The following ASH2L variants were observed in gnomAD, a reference collection of about 807,000 sequenced individuals.
ASH2L encodes ASH2 like, histone lysine methyltransferase complex subunit.
ASH2L carries 30 observed loss-of-function variants against 81.1 expected under a neutral mutation model. The observed-to-expected ratio is 0.37, with a 90% CI of 0.28 to 0.50. The LOEUF (loss-of-function observed/expected upper bound fraction) is 0.50, where lower values mean the gene tolerates loss of function less well. Ranked by LOEUF, ASH2L falls within the 20% of genes least tolerant of loss-of-function variation. The pLI is 0.95. For synonymous variants in ASH2L, 273 were observed against 279.9 expected (o/e 0.98, Z 0.24); for missense variants, 559 against 792.1 (o/e 0.71, Z 3.53).
At chr8:38,127,662 G>T (rs961963869) in intron 10 of ASH2L, among the ~76,000 whole-genome samples, 1 of 149,564 alleles carries the variant, frequency 6.7e-6, no homozygotes, top group African/African-American at 2.5e-5. Flanking sequence ...AGGATTGCTT[G>T]AACTTGGGAG....
chr8:38,105,770 G>A, intron 1 of ASH2L, 32 bp downstream of exon 1: 1 of 1,501,054 alleles, frequency 6.7e-7, no homozygotes. Context: ...GGAAGACGCG[G>A]GAGGGAGGCC....
chr8:38,138,668 T>C, intron 14 of ASH2L, 148 bp from the exon 15 acceptor site: 1 of 619,238 alleles, frequency 1.6e-6, no homozygotes. Flanking sequence ...TGACCACTTT[T>C]AGTAATATTT....
At chr8:38,105,962 C>T (rs1810408099) in intron 1 of ASH2L, 11 of 1,523,488 alleles carry the variant, frequency 7.2e-6, no homozygotes, top group South Asian at 2.5e-5. Context: ...CTGTCGTTAT[C>T]TCTGATCCTT....
At chr8:38,133,603 T>TATAAAAGTGAGG in intron 13 of ASH2L, 57 bp downstream of exon 13, 1 of 1,329,512 alleles carries the variant, frequency 7.5e-7, no homozygotes, top group South Asian at 1.3e-5. Context: ...TAGGACCCAT[T>TATAAAAGTGAGG]CCTTCATTAT....
chr8:38,120,284 A>G (rs921700512), intron 9 of ASH2L, among the ~76,000 whole-genome samples: 5 of 152,150 alleles, frequency 3.3e-5, no homozygotes, highest in Admixed American at 6.5e-5. Flanking sequence ...TTGAGAAAGG[A>G]TAGGTGGGGA....
intron 10 of ASH2L, 65 bp downstream of exon 10, chr8:38,121,214 C>T: frequency 6.2e-6 from 9 of 1,448,358 alleles, no homozygotes; most frequent in Non-Finnish European, 8.7e-6. Context: ...TTAGCCTTGT[C>T]AGTCTAGAAT....
rs2073351 is a variant in ASH2L, at chr8:38,105,721, C to T, written c.171C>T (p.Ser57=). The part of the protein sequence containing the change: ...ISAAPTVEPS[S]GEAEGGEANL... ...CTGCTCCGACAGTTGAGCCCAGTTC[C>T]GGGGAGGCTGAAGGCGGGTAAGAGG... The change falls in exon 1 of 16, where the codon TCC becomes TCT. Residue 57 remains serine (S), a synonymous_variant. Coordinates refer to ENST00000343823, the MANE Select transcript of ASH2L (RefSeq NM_004674.5). 0.031 allele frequency: 47,119 copies of T among 1,532,224 alleles called. 2,716 individuals are homozygous for T. Among genetic ancestry groups the T allele is most frequent in the East Asian group, 0.26 (11,139 of 42,534 alleles). 94.9% of individuals were successfully genotyped at this position (1,532,224 alleles called of 1,614,324 possible).
intron 5 of ASH2L, among the ~76,000 whole-genome samples, chr8:38,111,723 A>G (rs565184959): frequency 1.3e-5 from 2 of 152,238 alleles, no homozygotes; most frequent in African/African-American, 4.8e-5. Flanking sequence ...ATTTTGCTAC[A>G]TTTGTTTTAT....
At chr8:38,110,672 G>T (rs1012250550) in intron 4 of ASH2L, 67 bp from the exon 5 acceptor site, 1 of 1,351,504 alleles carries the variant, frequency 7.4e-7, no homozygotes, top group East Asian at 2.3e-5. Flanking sequence ...ACCACTTATC[G>T]AGTATTCCCT....
intron 2 of ASH2L, 85 bp from the exon 3 acceptor site, chr8:38,106,936 G>A: frequency 6.6e-7 from 1 of 1,521,834 alleles, no homozygotes; most frequent in Non-Finnish European, 8.9e-7. Flanking sequence ...GGGCAACATA[G>A]GGAGACCCCC....
At chr8:38,123,304 T>G (rs2130532709) in intron 10 of ASH2L, 1 of 152,132 alleles carries the variant, frequency 6.6e-6, no homozygotes, top group Middle Eastern at 3.4e-3. Flanking sequence ...CAGGCTGGTC[T>G]TGAACTCTGG....
At chr8:38,114,405 TTGAG>T (rs1810810700) in intron 6 of ASH2L, 118 bp downstream of exon 6, 1 of 689,080 alleles carries the variant, frequency 1.5e-6, no homozygotes, top group East Asian at 2.9e-5. Context: ...TGTTAAATCT[TTGAG>T]TGTGAGATAC....
In ASH2L at chr8:38,107,026, T is replaced by C. The variant is rs529037543; in HGVS notation, c.261T>C (p.Gly87=). The C allele has an allele frequency of 6.2e-7, 1 of 1,613,928 alleles. No homozygotes were observed. The highest frequency in any genetic ancestry group is 1.1e-5 in the South Asian group (1 of 91,070). The part of the protein sequence containing the change: ...ESSNGKDTLE[G]AGDTSEVMDT... ...CTCGAACTGCTCTGACACAGGAAGG[T>C]GCTGGGGATACATCAGAGGTGATGG... Residue 87 remains glycine, a synonymous_variant, in exon 3 of 16, where the codon GGT becomes GGC. Coordinates refer to ENST00000343823, the MANE Select transcript of ASH2L (RefSeq NM_004674.5).
chr8:38,126,397 A>C (rs1000154867), intron 10 of ASH2L, among the ~76,000 whole-genome samples: 1 of 152,096 alleles, frequency 6.6e-6, no homozygotes, highest in Admixed American at 6.6e-5. Context: ...AGAGAAGGGG[A>C]TATTACTTGG....
At chr8:38,132,127 G>T (rs1001749158) in intron 12 of ASH2L, among the ~76,000 whole-genome samples, 1 of 152,080 alleles carries the variant, frequency 6.6e-6, no homozygotes, top group Non-Finnish European at 1.5e-5. Flanking sequence ...GATTACAAGC[G>T]TGAGCCACTG....
chr8:38,132,083 G>A (rs565891934), intron 12 of ASH2L, among the ~76,000 whole-genome samples: 17 of 151,990 alleles, frequency 1.1e-4, no homozygotes, highest in Admixed American at 2.6e-4. Flanking sequence ...TCCTGGCCTC[G>A]TGATCTGCCT....
chr8:38,118,619 C>T (rs1047743530), intron 8 of ASH2L, among the ~76,000 whole-genome samples: 1 of 152,184 alleles, frequency 6.6e-6, no homozygotes, highest in African/African-American at 2.4e-5. Flanking sequence ...TAAAAATTGC[C>T]TAGCAAATCG....
At position 38,116,704 on chromosome 8, in the gene ASH2L, T is replaced by A; in HGVS notation, c.832T>A (p.Ser278Thr). ...CAACCAAAAACAGAGCAGTGCTGTG[T>A]CTACTAGTGGGAATTTAAATGGTAA... is the stretch of plus-strand genomic sequence containing the variant. ...YDNQKQSSAVSTSGNLNGGIA... is the reference protein window; with the variant it reads ...YDNQKQSSAVTTSGNLNGGIA... The change falls in exon 8 of 16, where the codon TCT (serine) becomes ACT (threonine). Residue 278 changes from serine to threonine, a missense_variant. Coordinates refer to ENST00000343823, the MANE Select transcript of ASH2L (RefSeq NM_004674.5). 2 of 1,612,936 alleles carry A rather than the reference T, an allele frequency of 1.2e-6. No homozygotes were observed. Among genetic ancestry groups the A allele is most frequent in the Middle Eastern group, 3.3e-4 (2 of 6,062 alleles).
chr8:38,115,347 G>T (rs1002477538), intron 7 of ASH2L, among the ~76,000 whole-genome samples: 1 of 151,852 alleles, frequency 6.6e-6, no homozygotes, highest in African/African-American at 2.4e-5. Context: ...AACTTTCTTT[G>T]TTGTGAAAAG....
Sources: gnomAD v4.1 joint callset for allele counts (sites outside exome capture counted in the v4.1 genomes callset) on GRCh38, gnomAD v4.1.1 for gene constraint, MANE v1.5 for transcripts, NCBI Gene and HGNC (gene_info 2026-07-23, HGNC 2026-07-21) for gene names.